TRMT1L: variants seen among roughly 807,000 people sequenced by gnomAD.
TRMT1L encodes the protein tRNA methyltransferase 1L, also known as tRNA (guanine(27)-N(2))-dimethyltransferase.
TRMT1L carries 28 observed loss-of-function variants against 81.6 expected under a neutral mutation model. The observed-to-expected ratio is 0.34, with a 90% CI of 0.25 to 0.47. TRMT1L has a LOEUF of 0.47. Among genes scored for constraint, TRMT1L ranks in the 20% least tolerant of loss-of-function variants. The probability of loss-of-function intolerance (pLI) is 1.00; values close to 1 mark genes in which losing one functional copy is unlikely to be tolerated. For synonymous variants in TRMT1L, 301 were observed against 303.2 expected (o/e 0.99, Z 0.07); for missense variants, 739 against 877.1 (o/e 0.84, Z 1.99).
At chr1:185,137,895 T>C in intron 9 of TRMT1L, 99 bp from the exon 10 acceptor site, 1 of 1,142,884 alleles carries the variant, frequency 8.7e-7, no homozygotes, top group South Asian at 1.7e-5. Context: ...TATGGATAAG[T>C]TATGGGACAT....
intron 9 of TRMT1L, 68 bp downstream of exon 9, chr1:185,139,299 T>C: frequency 1.5e-6 from 2 of 1,322,582 alleles, no homozygotes; most frequent in Non-Finnish European, 2.1e-6. Context: ...AGGTAAGTAC[T>C]TCTTGTAATA....
intron 1 of TRMT1L, among the ~76,000 whole-genome samples, chr1:185,153,068 C>A (rs1434896166): frequency 1.3e-5 from 2 of 152,144 alleles, no homozygotes; most frequent in Non-Finnish European, 2.9e-5. Flanking sequence ...TTCAAACAAC[C>A]AACTAGGCTA....
intron 11 of TRMT1L, among the ~76,000 whole-genome samples, chr1:185,126,551 T>G (rs1652634195): frequency 6.6e-6 from 1 of 152,206 alleles, no homozygotes; most frequent in East Asian, 1.9e-4. Context: ...GATTTTAAAT[T>G]ATCAAATATG....
intron 11 of TRMT1L, among the ~76,000 whole-genome samples, chr1:185,126,731 G>A (rs1652639746): frequency 6.6e-6 from 1 of 152,126 alleles, no homozygotes; most frequent in Non-Finnish European, 1.5e-5. Flanking sequence ...GAAATCATAA[G>A]GTTTTATTAA....
rs1394212910 is a variant in TRMT1L at position 185,120,520 on chromosome 1, C to T, written c.1823-11G>A. On this transcript the variant is annotated splice_polypyrimidine_tract_variant and intron_variant, in intron 13 of 14. Coordinates refer to ENST00000367506, the MANE Select transcript of TRMT1L (RefSeq NM_030934.5). ...TACTTTTTCTCTTTCCTGCAACATA[C>T]ACATACAAAGTTAGCATGCTCTTAA... 83 of 1,560,190 alleles carry T rather than the reference C, an allele frequency of 5.3e-5. 1 individual carries two copies. The highest frequency in any genetic ancestry group is 5.7e-5 in the Non-Finnish European group (66 of 1,159,158).
At chr1:185,138,440 G>A (rs574604539) in intron 9 of TRMT1L, among the ~76,000 whole-genome samples, 3 of 152,222 alleles carry the variant, frequency 2.0e-5, no homozygotes, top group South Asian at 2.1e-4. Context: ...AAACAACCCT[G>A]AAGGTCTATG....
intron 4 of TRMT1L, 106 bp from the exon 5 acceptor site, chr1:185,145,674 G>T: frequency 1.8e-6 from 2 of 1,094,212 alleles, no homozygotes; most frequent in South Asian, 1.8e-5. Flanking sequence ...TGGTATAGAA[G>T]ATAATTTTAA....
intron 9 of TRMT1L, 46 bp from the exon 10 acceptor site, chr1:185,137,842 C>G: frequency 6.3e-7 from 1 of 1,589,232 alleles, no homozygotes; most frequent in Non-Finnish European, 8.6e-7. Flanking sequence ...ATCATTTTCC[C>G]TTGTTTGGCA....
intron 2 of TRMT1L, among the ~76,000 whole-genome samples, 190 bp from the exon 3 acceptor site, chr1:185,150,682 T>C (rs1653319581): frequency 1.3e-5 from 2 of 151,240 alleles, no homozygotes; most frequent in East Asian, 2.0e-4. Context: ...TCAGTGATTG[T>C]TTTTTCACCC....
chr1:185,137,685 T>C lies in TRMT1L; in HGVS notation c.1434A>G (p.Thr478=). ...VLRGPTSADE[T]AKKIQYLIHC... ...GGATCAGGTATTGAATCTTCTTGGC[T>C]GTTTCATCTGCTGAAGTAGGTCCCC... Residue 478 remains threonine (T), a synonymous_variant, in exon 10 of 15, where the codon ACA becomes ACG. Transcript: ENST00000367506. 1 of 1,614,196 alleles carries C rather than the reference T, an allele frequency of 6.2e-7. No homozygotes were observed. Among genetic ancestry groups the C allele is most frequent in the Non-Finnish European group, 8.5e-7 (1 of 1,180,030 alleles).
At position 185,130,591 on chromosome 1, in the gene TRMT1L, G is replaced by A. The variant is rs77367604; in HGVS notation, c.1514-1844C>T. Among the ~76,000 whole-genome samples the A allele has an allele frequency of 5.5e-3, 833 of 152,320 alleles. 32 individuals carry two copies. In the East Asian group the frequency reaches 0.085, roughly 15 times the overall value. On this transcript the variant is annotated intron_variant, in intron 10 of 14. Coordinates refer to ENST00000367506, the MANE Select transcript of TRMT1L (RefSeq NM_030934.5). ...ATTGAAGGCAATGATTGTCTCTGAA[G>A]ATGACTATAGAGAGGTATTGCAAAT...
chr1:185,129,717 G>A (rs146398442), intron 10 of TRMT1L, among the ~76,000 whole-genome samples: 2 of 152,136 alleles, frequency 1.3e-5, no homozygotes, highest in South Asian at 2.1e-4. Context: ...ACAATTATTG[G>A]TATAATGCAT....
intron 10 of TRMT1L, among the ~76,000 whole-genome samples, chr1:185,131,245 C>T (rs978558972): frequency 3.9e-5 from 6 of 152,002 alleles, no homozygotes; most frequent in Admixed American, 6.6e-5. Context: ...ATGATCTGCC[C>T]GCCTCAGCCT....
intron 1 of TRMT1L, among the ~76,000 whole-genome samples, chr1:185,155,821 T>C (rs1365392308): frequency 6.6e-6 from 1 of 152,214 alleles, no homozygotes; most frequent in East Asian, 1.9e-4. Flanking sequence ...ATATGGGCCA[T>C]TAATTCTCAA....
chr1:185,122,716 G>C (rs1331271149), intron 13 of TRMT1L, among the ~76,000 whole-genome samples: 2 of 127,880 alleles, frequency 1.6e-5, no homozygotes, highest in African/African-American at 3.1e-5. Flanking sequence ...AGACAGTCTC[G>C]ATCTGTCACC....
chr1:185,124,917 C>G, intron 12 of TRMT1L, 27 bp downstream of exon 12: 1 of 1,589,000 alleles, frequency 6.3e-7, no homozygotes, highest in Non-Finnish European at 8.6e-7. Flanking sequence ...CAGTTTAAAG[C>G]TAGTAAGCTA....
At chr1:185,124,794 A>G in intron 12 of TRMT1L, 150 bp downstream of exon 12, 3 of 645,932 alleles carry the variant, frequency 4.6e-6, no homozygotes, top group East Asian at 3.2e-5. Context: ...TTAAAAAAAA[A>G]CCAGAGGATC....
chr1:185,147,881 A>G (rs1480963403), intron 3 of TRMT1L, among the ~76,000 whole-genome samples: 2 of 152,192 alleles, frequency 1.3e-5, no homozygotes, highest in Non-Finnish European at 1.5e-5. Context: ...ATTGCCTATT[A>G]AGGATATGTA....
At chr1:185,150,815 T>C (rs761803815) in intron 2 of TRMT1L, among the ~76,000 whole-genome samples, 3 of 152,220 alleles carry the variant, frequency 2.0e-5, no homozygotes, top group Non-Finnish European at 4.4e-5. Flanking sequence ...CATCACTCTG[T>C]ATTTTGGACA....
Sources: allele counts gnomAD v4.1 joint callset (sites outside exome capture counted in the v4.1 genomes callset), GRCh38; gene constraint gnomAD v4.1.1; transcripts MANE v1.5; gene names NCBI Gene and HGNC (gene_info 2026-07-23, HGNC 2026-07-21).